SNTG2: variants seen among roughly 807,000 people sequenced by gnomAD.
SNTG2 encodes gamma-2-syntrophin.
A neutral mutation model predicts 70.9 loss-of-function variants in SNTG2; 74 were observed. The ratio of observed to expected loss-of-function variants is 1.04; its 90% CI spans 0.86 to 1.27. The LOEUF (loss-of-function observed/expected upper bound fraction) is 1.27. Among genes scored for constraint, SNTG2 ranks in the 50% most tolerant of loss-of-function variants. The pLI is 0.00. For missense variants in SNTG2, 717 were observed against 690.7 expected, an observed-to-expected ratio of 1.04 and a Z score of -0.43; for synonymous variants, 278 against 273.8, an observed-to-expected ratio of 1.02 and a Z score of -0.15.
intron 8 of SNTG2, among the ~76,000 whole-genome samples, chr2:1,188,485 A>G (rs1335209279): frequency 3.9e-5 from 6 of 152,164 alleles, no homozygotes; most frequent in Non-Finnish European, 8.8e-5. Flanking sequence ...TTGCTATTTA[A>G]AAGAGACACA....
intron 14 of SNTG2, among the ~76,000 whole-genome samples, chr2:1,270,782 T>C (rs1678978793): frequency 6.6e-6 from 1 of 152,248 alleles, no homozygotes; most frequent in Non-Finnish European, 1.5e-5. Flanking sequence ...TAGTTTTTTC[T>C]ACTATTTCCT....
At chr2:1,016,784 G>A (rs529164070) in intron 1 of SNTG2, among the ~76,000 whole-genome samples, 2 of 152,300 alleles carry the variant, frequency 1.3e-5, no homozygotes, top group South Asian at 2.1e-4. Context: ...TTCACTTTGG[G>A]GTGTGGACTT....
At chr2:1,349,610 G>T (rs140735617) in intron 16 of SNTG2, among the ~76,000 whole-genome samples, 1 of 152,210 alleles carries the variant, frequency 6.6e-6, no homozygotes, top group Non-Finnish European at 1.5e-5. Context: ...CATGAACAAG[G>T]CCATCAGCTT....
At chr2:1,167,926 G>A (rs1451410449) in intron 7 of SNTG2, among the ~76,000 whole-genome samples, 86 of 123,392 alleles carry the variant, frequency 7.0e-4, no homozygotes, top group African/African-American at 2.6e-3. Flanking sequence ...CCTAGAAGCC[G>A]CCCACAGACG....
At chr2:1,255,880 AT>A (rs1678056669) in intron 12 of SNTG2, among the ~76,000 whole-genome samples, 1 of 88,496 alleles carries the variant, frequency 1.1e-5, no homozygotes. Context: ...ATAAATATAT[AT>A]ATAAATATAT....
chr2:1,215,579 A>G (rs1342053457), intron 9 of SNTG2, among the ~76,000 whole-genome samples: 1 of 151,060 alleles, frequency 6.6e-6, no homozygotes, highest in Non-Finnish European at 1.5e-5. Context: ...TTATACTTTA[A>G]GTTCTAGGGT....
At chr2:1,291,638 T>G (rs1679997654) in intron 14 of SNTG2, among the ~76,000 whole-genome samples, 1 of 152,182 alleles carries the variant, frequency 6.6e-6, no homozygotes, top group Non-Finnish European at 1.5e-5. Flanking sequence ...ACAACTTTGT[T>G]AGGAATTATC....
chr2:1,215,768 T>C (rs1361553545), intron 9 of SNTG2, among the ~76,000 whole-genome samples: 1 of 145,160 alleles, frequency 6.9e-6, no homozygotes, highest in African/African-American at 2.5e-5. Context: ...GGTGTTCTCA[T>C]TGTTCAATTC....
intron 8 of SNTG2, among the ~76,000 whole-genome samples, chr2:1,177,749 G>C (rs2147897911): frequency 6.6e-6 from 1 of 151,836 alleles, no homozygotes; most frequent in African/African-American, 2.4e-5. Context: ...TATTTTTTTT[G>C]AAAAGGAAAC....
chr2:1,034,931 G>A (rs1661050093), intron 1 of SNTG2, among the ~76,000 whole-genome samples: 1 of 152,082 alleles, frequency 6.6e-6, no homozygotes, highest in Admixed American at 6.5e-5. Context: ...ATCACCACAT[G>A]GTACATGCTC....
chr2:1,087,303 C>A (rs1664745862), intron 2 of SNTG2, among the ~76,000 whole-genome samples: 1 of 152,164 alleles, frequency 6.6e-6, no homozygotes, highest in Non-Finnish European at 1.5e-5. Context: ...TTCTTCTTCC[C>A]AGAAGAGTTC....
chr2:995,545 G>A (rs1009029879), intron 1 of SNTG2, among the ~76,000 whole-genome samples: 2 of 152,136 alleles, frequency 1.3e-5, no homozygotes, highest in South Asian at 4.1e-4. Flanking sequence ...TCTGATCTGT[G>A]TCAGGGTAAT....
At chr2:990,797 A>G (rs1661464496) in intron 1 of SNTG2, among the ~76,000 whole-genome samples, 1 of 152,024 alleles carries the variant, frequency 6.6e-6, no homozygotes, top group Non-Finnish European at 1.5e-5. Flanking sequence ...AACTCTTTTT[A>G]TATCATTCCT....
chr2:1,283,983 G>A (rs945241381), intron 14 of SNTG2, among the ~76,000 whole-genome samples: 1 of 152,126 alleles, frequency 6.6e-6, no homozygotes, highest in South Asian at 2.1e-4. Context: ...GTACCTCACG[G>A]TAGATATTTG....
intron 13 of SNTG2, among the ~76,000 whole-genome samples, chr2:1,265,558 G>T (rs1224077827): frequency 2.6e-5 from 4 of 152,178 alleles, no homozygotes; most frequent in Non-Finnish European, 5.9e-5. Context: ...GGAGAGCCAG[G>T]GCATCCCCCC....
At chr2:1,079,935 A>G (rs1156997976) in intron 1 of SNTG2, among the ~76,000 whole-genome samples, 2 of 152,240 alleles carry the variant, frequency 1.3e-5, no homozygotes, top group Non-Finnish European at 2.9e-5. Flanking sequence ...AGGCGGCTGC[A>G]CTACCTGAGC....
intron 1 of SNTG2, among the ~76,000 whole-genome samples, chr2:1,033,382 T>C (rs1660949848): frequency 1.3e-5 from 2 of 152,140 alleles, no homozygotes; most frequent in Non-Finnish European, 2.9e-5. Context: ...TGACAGTTTT[T>C]TGGAGATGGG....
chr2:1,313,782 T>C (rs921397661), intron 15 of SNTG2, among the ~76,000 whole-genome samples: 1 of 152,152 alleles, frequency 6.6e-6, no homozygotes, highest in South Asian at 2.1e-4. Flanking sequence ...TGGACCACGC[T>C]GCAGCCTGTC....
At chr2:1,330,537 C>G (rs771670533) in intron 16 of SNTG2, among the ~76,000 whole-genome samples, 10 of 152,116 alleles carry the variant, frequency 6.6e-5, no homozygotes, top group Non-Finnish European at 1.3e-4. Flanking sequence ...ACAAGGATGT[C>G]TTGAGAAGTT....
Sources: allele counts gnomAD v4.1 joint callset (sites outside exome capture counted in the v4.1 genomes callset), GRCh38; gene constraint gnomAD v4.1.1; transcripts MANE v1.5; gene names NCBI Gene and HGNC (gene_info 2026-07-23, HGNC 2026-07-21).